The following COL4A4 variants were observed in gnomAD, a reference collection of about 807,000 sequenced individuals.
COL4A4 encodes collagen type IV alpha 4 chain.
COL4A4 carries 105 observed loss-of-function variants against 192.9 expected under a neutral mutation model. The ratio of observed to expected loss-of-function variants is 0.54; its 90% confidence interval spans 0.46 to 0.64. The LOEUF is 0.64. Among genes scored for constraint, COL4A4 ranks in the 30% least tolerant of loss-of-function variants. COL4A4 has a pLI of 0.00. For synonymous variants in COL4A4, 762 were observed against 769.9 expected (o/e 0.99, Z 0.17); for missense variants, 1,967 against 2,169.3 (o/e 0.91, Z 1.85).
chr2:227,071,027 CAATT>C (rs1176704262), intron 25 of COL4A4, among the ~76,000 whole-genome samples: 1 of 151,956 alleles, frequency 6.6e-6, no homozygotes, highest in Non-Finnish European at 1.5e-5. Context: ...ATCTGGGTAA[CAATT>C]AACATGATGA....
the COL4A4 span, among the ~76,000 whole-genome samples, chr2:226,971,529 T>C: frequency 2.6e-5 from 4 of 152,232 alleles, no homozygotes; most frequent in Non-Finnish European, 1.5e-5. Flanking sequence ...CCAGCTTATT[T>C]GACTTTTGAT....
downstream of COL4A4, among the ~76,000 whole-genome samples, chr2:227,001,678 A>T (rs1326470115): frequency 6.6e-6 from 1 of 152,082 alleles, no homozygotes; most frequent in Admixed American, 6.6e-5. Context: ...TATGACCTTA[A>T]AGTAGTTATT....
At position 227,103,505 on chromosome 2, in the gene COL4A4, G is replaced by A. The variant is rs537200129; in HGVS notation, c.817-308C>T. On this transcript the variant is annotated intron_variant, in intron 13 of 47. Transcript: ENST00000396625. ...AGTAAAGAAATTTAACCCAGCAATT[G>A]AAAAGCAACAATAGAATCTTCATGT... Among the ~76,000 whole-genome samples the A allele has an allele frequency of 3.9e-5, 6 of 152,260 alleles. No individual in the cohort carries two copies. The South Asian group carries it at 1.2e-3, about 32-fold the overall frequency.
chr2:227,158,226 G>A (rs2064510057), intron 1 of COL4A4, among the ~76,000 whole-genome samples: 1 of 152,086 alleles, frequency 6.6e-6, no homozygotes, highest in Non-Finnish European at 1.5e-5. Context: ...TGGCAATCAT[G>A]GCAATTTAGT....
chr2:227,049,911 T>C (rs774003389), intron 34 of COL4A4, among the ~76,000 whole-genome samples, 157 bp downstream of exon 34: 3 of 152,240 alleles, frequency 2.0e-5, no homozygotes, highest in Non-Finnish European at 4.4e-5. Flanking sequence ...CTGTAGAATA[T>C]TTGGATCTTG....
rs1396849672 is a variant in COL4A4, at chr2:227,022,188, A to G, written c.4091-15T>C. On this transcript the variant is annotated splice_polypyrimidine_tract_variant and intron_variant, in intron 43 of 47. Coordinates refer to ENST00000396625, the MANE Select transcript of COL4A4 (RefSeq NM_000092.5). ...CCCCGGTTCACCTGAAATTGGAATC[A>G]CCGCTTGTGTAATGGATGCACGTGC... 2 of 1,614,012 alleles carry G rather than the reference A, an allele frequency of 1.2e-6. No homozygotes were observed. Among genetic ancestry groups the G allele is most frequent in the Admixed American group, 3.3e-5 (2 of 60,020 alleles).
At position 227,059,547 on chromosome 2, in the gene COL4A4, G is replaced by T. The variant is rs374510402; in HGVS notation, c.2241C>A (p.Pro747=). The T allele has an allele frequency of 6.2e-7, 1 of 1,613,978 alleles. No individual in the cohort carries two copies. Among genetic ancestry groups the T allele is most frequent in the Non-Finnish European group, 8.5e-7 (1 of 1,179,890 alleles). ...TCTGACCATTCACTCCTGGTGAGCC[G>T]GGAGGGCCTGGGGGCCCAACAGGGG... ...GSSPVGPPGP[P]GSPGVNGQKG... is the part of the protein sequence containing the mutation. Residue 747 remains proline, a synonymous_variant, in exon 28 of 48, where the codon CCC becomes CCA. Transcript: ENST00000396625.
chr2:227,031,923 C>T, intron 40 of COL4A4, 22 bp downstream of exon 40: 4 of 1,548,114 alleles, frequency 2.6e-6, no homozygotes, highest in Non-Finnish European at 3.6e-6. Context: ...CACTGCCATC[C>T]TTTGTCATGA....
chr2:227,142,548 G>A (rs1416555023), intron 3 of COL4A4, among the ~76,000 whole-genome samples: 2 of 152,148 alleles, frequency 1.3e-5, no homozygotes. Context: ...GAAGCCAGGA[G>A]TTCAAGACCA....
intron 9 of COL4A4, among the ~76,000 whole-genome samples, chr2:227,110,829 C>T (rs973656214): frequency 2.0e-5 from 3 of 151,640 alleles, no homozygotes; most frequent in Non-Finnish European, 4.4e-5. Context: ...ATTGTAGGTA[C>T]GCGCCACCAC....
intron 1 of COL4A4, among the ~76,000 whole-genome samples, chr2:227,157,461 A>G (rs1182958591): frequency 6.6e-6 from 1 of 152,082 alleles, no homozygotes; most frequent in Non-Finnish European, 1.5e-5. Context: ...TTAACCAAGG[A>G]GAAAGCATTC....
At chr2:227,111,278 CA>C (rs1356799333) in intron 9 of COL4A4, among the ~76,000 whole-genome samples, 5 of 152,094 alleles carry the variant, frequency 3.3e-5, no homozygotes, top group Non-Finnish European at 7.4e-5. Context: ...ATTCACCAGG[CA>C]AAATGGTAGC....
intron 20 of COL4A4, among the ~76,000 whole-genome samples, chr2:227,091,422 T>TAAA (rs77137276): frequency 9.0e-6 from 1 of 110,798 alleles, no homozygotes; most frequent in African/African-American, 3.4e-5. Context: ...GAGTAAAGGT[T>TAAA]AAAAAAAAAA....
Position 227,118,761 on chromosome 2 carries a change from C to G in COL4A4, c.373G>C (p.Gly125Arg), listed in dbSNP as rs2061619888. The change falls in exon 7 of 48, where the codon GGG (glycine) becomes CGG (arginine). Residue 125 changes from glycine to arginine, a missense_variant and splice_region_variant. Transcript: ENST00000396625. ...CTGGGTCCAGGAGGCCCTGGGTGCC[C>G]CTGCAGAAAACAAAATTATAAGTGA... is the stretch of plus-strand genomic sequence containing the variant. ...PGFPGLDGIP[G>R]HPGPPGPRGK... The G allele has an allele frequency of 6.2e-7, 1 of 1,610,982 alleles. No homozygotes were observed. The highest frequency in any genetic ancestry group is 8.5e-7 in the Non-Finnish European group (1 of 1,178,186).
intron 31 of COL4A4, 109 bp downstream of exon 31, chr2:227,054,484 GA>G: frequency 8.2e-7 from 1 of 1,220,902 alleles, no homozygotes; most frequent in East Asian, 2.3e-5. Context: ...CTAAAAGGAG[GA>G]GGAATCCAAG....
chr2:227,059,340 C>T, intron 28 of COL4A4, 65 bp downstream of exon 28: 2 of 1,324,956 alleles, frequency 1.5e-6, no homozygotes, highest in East Asian at 4.6e-5. Flanking sequence ...TCTAAACGTT[C>T]TTCAGTGACC....
chr2:227,129,673 T>C (rs2062309534), intron 4 of COL4A4, among the ~76,000 whole-genome samples: 1 of 152,160 alleles, frequency 6.6e-6, no homozygotes, highest in South Asian at 2.1e-4. Context: ...CCTCCCAAAG[T>C]GCCAGGATTA....
intron 3 of COL4A4, among the ~76,000 whole-genome samples, chr2:227,144,048 C>T (rs1328229318): frequency 1.3e-5 from 2 of 152,196 alleles, no homozygotes; most frequent in East Asian, 3.8e-4. Context: ...AGTCAGTTGT[C>T]TCAAGATCAA....
intron 4 of COL4A4, among the ~76,000 whole-genome samples, chr2:227,131,415 A>G (rs1303653807): frequency 6.6e-6 from 1 of 152,106 alleles, no homozygotes; most frequent in Non-Finnish European, 1.5e-5. Flanking sequence ...TTGGCCTCCC[A>G]AAGTGCTGGG....
Sources: gnomAD v4.1 joint callset for allele counts (sites outside exome capture counted in the v4.1 genomes callset) on GRCh38, gnomAD v4.1.1 for gene constraint, MANE v1.5 for transcripts, NCBI Gene and HGNC (gene_info 2026-07-23, HGNC 2026-07-21) for gene names.